The following ADK variants were observed in gnomAD, a reference collection of about 807,000 sequenced individuals.
The protein encoded by ADK is N6,N6-dimethyladenosine kinase.
In ADK, 24 loss-of-function variants were observed where a neutral mutation model predicts 44.7. The observed-to-expected ratio is 0.54, with a 90% CI of 0.39 to 0.76. The LOEUF (loss-of-function observed/expected upper bound fraction) is 0.76, where lower values mean the gene tolerates loss of function less well. ADK is among the 30% of genes least tolerant of loss of function. The pLI is 0.00. For missense variants in ADK, 321 were observed against 425.1 expected, an observed-to-expected ratio of 0.76 and a Z score of 2.15; for synonymous variants, 128 against 142.6, an observed-to-expected ratio of 0.90 and a Z score of 0.73.
At chr10:74,205,716 C>G (rs1433906385) in intron 2 of ADK, among the ~76,000 whole-genome samples, 1 of 146,894 alleles carries the variant, frequency 6.8e-6, no homozygotes, top group African/African-American at 2.5e-5. Context: ...TAGAGTAATT[C>G]ACTATAGTAA....
intron 2 of ADK, among the ~76,000 whole-genome samples, chr10:74,219,465 C>G (rs1844203601): frequency 6.6e-6 from 1 of 152,148 alleles, no homozygotes; most frequent in Non-Finnish European, 1.5e-5. Flanking sequence ...ATCAATGAGA[C>G]AGAAAGTCAA....
In ADK at chr10:74,474,475, T is replaced by C. The variant is rs181894792; in HGVS notation, c.556-50781T>C. 2.2e-3 allele frequency among the ~76,000 whole-genome samples: 332 copies of C among 152,198 alleles called. 2 individuals are homozygous for C. Among genetic ancestry groups the C allele is most frequent in the African/African-American group, 7.6e-3 (314 of 41,546 alleles). The stretch of plus-strand genomic sequence containing the variant: ...TTTTCTTTTCCTTTATTTTCTTTCT[T>C]TCTTTTTCTCTCCCCCTTTCCTCTC... On this transcript the variant is annotated intron_variant, in intron 6 of 10. Coordinates refer to ENST00000539909, the MANE Select transcript of ADK (RefSeq NM_006721.4).
At chr10:74,583,060 C>T (rs1438111844) in intron 7 of ADK, among the ~76,000 whole-genome samples, 1 of 151,984 alleles carries the variant, frequency 6.6e-6, no homozygotes, top group East Asian at 1.9e-4. Flanking sequence ...AACGTGGTAT[C>T]ATAAGAAAGT....
intron 6 of ADK, among the ~76,000 whole-genome samples, chr10:74,521,830 A>G (rs1191557596): frequency 6.6e-6 from 1 of 152,264 alleles, no homozygotes; most frequent in African/African-American, 2.4e-5. Context: ...AGATAAAAAC[A>G]TTTAAAAATA....
chr10:74,224,510 G>A, intron 2 of ADK, 28 bp from the exon 3 acceptor site: 1 of 1,595,410 alleles, frequency 6.3e-7, no homozygotes. Context: ...TGTGTATGAA[G>A]AGTGTAATTT....
At chr10:74,338,803 G>T (rs1472718401) in intron 4 of ADK, among the ~76,000 whole-genome samples, 2 of 152,176 alleles carry the variant, frequency 1.3e-5, no homozygotes, top group African/African-American at 4.8e-5. Flanking sequence ...TAAGGGAGTT[G>T]CAGGAGAGGG....
At chr10:74,463,457 C>T (rs901837314) in intron 6 of ADK, among the ~76,000 whole-genome samples, 23 of 152,104 alleles carry the variant, frequency 1.5e-4, no homozygotes, top group African/African-American at 5.6e-4. Flanking sequence ...CTCACATGCA[C>T]AATTCACAAT....
rs1429315400 is a variant in ADK, at chr10:74,382,763, C to T, written c.274-11378C>T. Among the ~76,000 whole-genome samples the T allele has an allele frequency of 2.0e-5, 3 of 151,902 alleles. No homozygotes were observed. The East Asian group carries it at 5.8e-4, about 29-fold the overall frequency. On this transcript the variant is annotated intron_variant, in intron 4 of 10. Coordinates refer to ENST00000539909, the MANE Select transcript of ADK (RefSeq NM_006721.4). ...TGATGAATTTGACTCAGTTCTGTAA[C>T]CTTTTTGCTCTTTTTCTTGAAAAGA... is the stretch of plus-strand genomic sequence containing the variant.
intron 7 of ADK, among the ~76,000 whole-genome samples, chr10:74,581,243 G>T (rs952827374): frequency 1.3e-5 from 2 of 152,112 alleles, no homozygotes; most frequent in Non-Finnish European, 2.9e-5. Flanking sequence ...AAAGAGTAAT[G>T]TGGGAAATGT....
At chr10:74,494,603 G>C (rs1052806505) in intron 6 of ADK, among the ~76,000 whole-genome samples, 10 of 151,910 alleles carry the variant, frequency 6.6e-5, no homozygotes, top group African/African-American at 2.4e-4. Flanking sequence ...GTTTTAATTT[G>C]TAAAGGTAAT....
chr10:74,649,192 G>C (rs1001597523), intron 9 of ADK, among the ~76,000 whole-genome samples: 3 of 152,026 alleles, frequency 2.0e-5, no homozygotes, highest in African/African-American at 7.2e-5. Flanking sequence ...CAGCCTGGAT[G>C]ACAGACCGAG....
At chr10:74,566,771 A>C (rs1850683234) in intron 7 of ADK, among the ~76,000 whole-genome samples, 1 of 152,314 alleles carries the variant, frequency 6.6e-6, no homozygotes, top group South Asian at 2.1e-4. Context: ...GAGAAAAGTT[A>C]ATTGAATTTT....
intron 6 of ADK, among the ~76,000 whole-genome samples, chr10:74,413,891 T>C (rs1190402020): frequency 3.4e-4 from 52 of 152,310 alleles, no homozygotes; most frequent in East Asian, 1.9e-4. Context: ...GGATTATTAA[T>C]TGGCCTAATG....
chr10:74,660,048 A>T (rs554034336), intron 9 of ADK, among the ~76,000 whole-genome samples: 1 of 152,300 alleles, frequency 6.6e-6, no homozygotes, highest in Admixed American at 6.5e-5. Context: ...TTATGTGCCA[A>T]CTTTTCCAAG....
chr10:74,701,040 CTT>C (rs1564859713), intron 10 of ADK, among the ~76,000 whole-genome samples: 1 of 152,156 alleles, frequency 6.6e-6, no homozygotes, highest in African/African-American at 2.4e-5. Flanking sequence ...ACCCTAAACT[CTT>C]TTTAGTAGAT....
chr10:74,525,699 G>A (rs1849008767), intron 7 of ADK, among the ~76,000 whole-genome samples: 1 of 151,738 alleles, frequency 6.6e-6, no homozygotes, highest in Admixed American at 6.6e-5. Flanking sequence ...TTTTCATCCA[G>A]GCTGGAGTAT....
At chr10:74,617,778 G>A (rs946066084) in intron 9 of ADK, among the ~76,000 whole-genome samples, 4 of 151,978 alleles carry the variant, frequency 2.6e-5, no homozygotes, top group African/African-American at 9.7e-5. Context: ...TTTTTGAAGA[G>A]ACGAGGTCTC....
chr10:74,211,789 TATG>T (rs1484295728), intron 2 of ADK, among the ~76,000 whole-genome samples: 2 of 152,230 alleles, frequency 1.3e-5, no homozygotes, highest in South Asian at 2.1e-4. Flanking sequence ...AATTAGCATA[TATG>T]ATATTAACCA....
intron 4 of ADK, among the ~76,000 whole-genome samples, chr10:74,392,598 ACT>A (rs371687798): frequency 1.1e-3 from 162 of 152,042 alleles, no homozygotes; most frequent in Middle Eastern, 3.4e-3. Context: ...TTGCCTTTTC[ACT>A]CTGTTGATTG....
Sources: allele counts gnomAD v4.1 joint callset (sites outside exome capture counted in the v4.1 genomes callset), GRCh38; gene constraint gnomAD v4.1.1; transcripts MANE v1.5; gene names NCBI Gene and HGNC (gene_info 2026-07-23, HGNC 2026-07-21).